The following SLC6A9 variants were observed in gnomAD, a reference collection of about 807,000 sequenced individuals.
SLC6A9 encodes sodium- and chloride-dependent glycine transporter 1.
Under a neutral mutation model 70.9 loss-of-function variants are expected in SLC6A9, and 31 were observed. The ratio of observed to expected loss-of-function variants is 0.44; its 90% CI spans 0.33 to 0.59. SLC6A9 has a LOEUF of 0.59. SLC6A9 is among the 20% of genes least tolerant of loss of function. The pLI, the probability that SLC6A9 is intolerant of heterozygous loss-of-function variation, is 0.04. For synonymous variants in SLC6A9, 310 were observed against 341.3 expected, an observed-to-expected ratio of 0.91 and a Z score of 1.01; for missense variants, 631 against 845.2, an observed-to-expected ratio of 0.75 and a Z score of 3.14.
chr1:44,022,345 G>C (rs2086898915), intron 2 of SLC6A9, among the ~76,000 whole-genome samples: 1 of 152,160 alleles, frequency 6.6e-6, no homozygotes, highest in South Asian at 2.1e-4. Flanking sequence ...AAGGGGCAGG[G>C]CCACACCCCG....
At chr1:43,999,690 T>C (rs1425326984) in intron 12 of SLC6A9, among the ~76,000 whole-genome samples, 2 of 151,930 alleles carry the variant, frequency 1.3e-5, no homozygotes, top group Non-Finnish European at 2.9e-5. Flanking sequence ...ACCTACCGGG[T>C]AGAGGCCTCA....
At chr1:44,022,026 C>T (rs2086892757) in intron 2 of SLC6A9, among the ~76,000 whole-genome samples, 1 of 152,246 alleles carries the variant, frequency 6.6e-6, no homozygotes, top group African/African-American at 2.4e-5. Context: ...CAACAGTGGG[C>T]AAAAGCCAAA....
rs1345995965 is a variant in SLC6A9, at chr1:44,002,638, G to A, written c.732C>T (p.Tyr244=). 6.2e-7 allele frequency: 1 copy of A among 1,614,134 alleles called. No homozygotes were observed. The highest frequency in any genetic ancestry group is 1.1e-5 in the South Asian group (1 of 91,086). ...RGVKSSGKVV[Y]FTATFPYVVL... ...CCACGTAGGGGAACGTGGCCGTGAA[G>A]TACACCACCTGGCACAAGAGGGCTC... The change falls in exon 7 of 14, where the codon TAC becomes TAT. Residue 244 remains tyrosine, a synonymous_variant. Transcript: ENST00000372310. The surrounding 1 kb of genome is among the most constrained non-coding windows in gnomAD (Gnocchi z 5.5).
chr1:44,023,791 G>A (rs2154307488), intron 2 of SLC6A9, among the ~76,000 whole-genome samples: 1 of 152,278 alleles, frequency 6.6e-6, no homozygotes. Flanking sequence ...TTGGGGAAAG[G>A]GTGGAGGGAC....
At chr1:43,998,427 G>A (rs544604749) in intron 12 of SLC6A9, among the ~76,000 whole-genome samples, 40 of 152,338 alleles carry the variant, frequency 2.6e-4, no homozygotes, top group African/African-American at 8.9e-4. Context: ...TCCGCCCTCA[G>A]TGTTTCAGTC....
chr1:44,005,889 A>C (rs1364098915), intron 5 of SLC6A9, among the ~76,000 whole-genome samples: 1 of 152,232 alleles, frequency 6.6e-6, no homozygotes, highest in African/African-American at 2.4e-5. Flanking sequence ...GTGGCCAGTT[A>C]GGCAGGCCTG....
rs2086635192 is a variant in SLC6A9 at position 44,013,322 on chromosome 1, T to C, written c.31-2440A>G. On this transcript the variant is annotated intron_variant, in intron 2 of 13. Coordinates refer to ENST00000372310, the MANE Select transcript of SLC6A9 (RefSeq NM_001024845.3). The surrounding 1 kb of genome is among the most constrained non-coding windows in gnomAD (Gnocchi z 5.3). ...ATTTGGATCCCTGAAGTCTGCTCCT[T>C]CCCTGGCAGGGGGAGGTACGGGGAA... is the stretch of plus-strand genomic sequence containing the variant. Among the ~76,000 whole-genome samples the C allele has an allele frequency of 6.6e-6, 1 of 152,160 alleles. No individual in the cohort carries two copies. Among genetic ancestry groups the C allele is most frequent in the African/African-American group, 2.4e-5 (1 of 41,436 alleles).
chr1:44,027,771 T>C (rs915450845), intron 1 of SLC6A9, among the ~76,000 whole-genome samples: 4 of 151,932 alleles, frequency 2.6e-5, no homozygotes, highest in African/African-American at 9.7e-5. Flanking sequence ...AGGTCAGGAG[T>C]TCGAGACCAG....
chr1:44,027,463 G>A (rs1183764233), intron 1 of SLC6A9, among the ~76,000 whole-genome samples: 1 of 152,126 alleles, frequency 6.6e-6, no homozygotes, highest in African/African-American at 2.4e-5. Context: ...CTAAATCCCT[G>A]ATTCTCTCCA....
chr1:43,999,462 C>A (rs1234486291), intron 12 of SLC6A9, among the ~76,000 whole-genome samples: 1 of 151,980 alleles, frequency 6.6e-6, no homozygotes, highest in African/African-American at 2.4e-5. Flanking sequence ...GCCCCCTGGT[C>A]TCTCCCCAGG....
intron 2 of SLC6A9, among the ~76,000 whole-genome samples, chr1:44,023,072 G>T (rs2086916532): frequency 6.6e-6 from 1 of 152,096 alleles, no homozygotes; most frequent in African/African-American, 2.4e-5. Context: ...GGGCTCGTTT[G>T]GGGAGGGCTC....
At chr1:44,015,256 C>T (rs892100778) in intron 2 of SLC6A9, among the ~76,000 whole-genome samples, 1 of 152,214 alleles carries the variant, frequency 6.6e-6, no homozygotes, top group African/African-American at 2.4e-5. Flanking sequence ...ACTCAGGGAG[C>T]CCAGCTCTCC....
chr1:44,019,493 G>A (rs1006739370), intron 2 of SLC6A9, among the ~76,000 whole-genome samples: 1 of 152,368 alleles, frequency 6.6e-6, no homozygotes, highest in African/African-American at 2.4e-5. Flanking sequence ...GGGCCAAGGC[G>A]CTGGCTGGGC....
In SLC6A9 at chr1:44,002,620, G is replaced by A. The variant is rs200038641; in HGVS notation, c.750C>T (p.Pro250=). The A allele has an allele frequency of 1.9e-6, 3 of 1,614,110 alleles. No homozygotes were observed. The highest frequency in any genetic ancestry group is 1.3e-5 in the African/African-American group (1 of 75,040). The stretch of plus-strand genomic sequence containing the variant: ...CAAACAGAATGGTCAGCACCACGTA[G>A]GGGAACGTGGCCGTGAAGTACACCA... The part of the protein sequence containing the change: ...GKVVYFTATF[P]YVVLTILFVR... Residue 250 remains proline (P), a synonymous_variant, in exon 7 of 14, where the codon CCC becomes CCT. Transcript: ENST00000372310. This position sits in a 1 kb window ranked among gnomAD's most constrained non-coding sequence, Gnocchi z 5.5.
At chr1:44,028,894 G>GT (rs1424399844) in intron 1 of SLC6A9, among the ~76,000 whole-genome samples, 1 of 152,188 alleles carries the variant, frequency 6.6e-6, no homozygotes, top group Admixed American at 6.5e-5. Flanking sequence ...GTGAGGAGAG[G>GT]TGCACAGATT....
rs2085925910 is a variant in SLC6A9 at position 43,997,797 on chromosome 1, C to T, written c.1707+58G>A. The stretch of plus-strand genomic sequence containing the variant: ...GGCACGTCAGGAGGGAGCCCTTAAG[C>T]CCCTTCCAGCTGGCCCCTCCCATTT... On this transcript the variant is annotated intron_variant, in intron 13 of 13. Coordinates refer to ENST00000372310, the MANE Select transcript of SLC6A9 (RefSeq NM_001024845.3). This position sits in a 1 kb window ranked among gnomAD's most constrained non-coding sequence, Gnocchi z 4.4. 3.8e-6 allele frequency: 6 copies of T among 1,588,848 alleles called. No individual in the cohort carries two copies. The South Asian group carries it at 6.8e-5, about 18-fold the overall frequency.
At chr1:44,017,167 G>A (rs767585907) in intron 2 of SLC6A9, 21 of 1,600,302 alleles carry the variant, frequency 1.3e-5, no homozygotes, top group East Asian at 4.6e-5. Flanking sequence ...CGACACTGAC[G>A]CATCCCCTGC....
At position 43,997,530 on chromosome 1, in the gene SLC6A9, C is replaced by G. The variant is rs1411091273; in HGVS notation, c.*15G>C. On this transcript the variant is annotated 3_prime_UTR_variant, in exon 14 of 14. Coordinates refer to ENST00000372310, the MANE Select transcript of SLC6A9 (RefSeq NM_001024845.3). This position sits in a 1 kb window ranked among gnomAD's most constrained non-coding sequence, Gnocchi z 4.4. ...GCACGGGGTGGGGGTGGGGCCACTC[C>G]CCTGGCAGCTGTGCTCATATCCGGG... 6.2e-7 allele frequency: 1 copy of G among 1,610,686 alleles called. No homozygotes were observed. Among genetic ancestry groups the G allele is most frequent in the Admixed American group, 1.7e-5 (1 of 59,822 alleles).
intron 5 of SLC6A9, among the ~76,000 whole-genome samples, chr1:44,007,483 G>T (rs536347066): frequency 6.6e-6 from 1 of 152,370 alleles, no homozygotes; most frequent in East Asian, 1.9e-4. Context: ...CAGCAGGATG[G>T]CCTGAGACTC....
Sources: gnomAD v4.1 joint callset for allele counts (sites outside exome capture counted in the v4.1 genomes callset) on GRCh38, gnomAD v4.1.1 for gene constraint, Gnocchi (gnomAD v3.1) non-coding constraint, MANE v1.5 for transcripts, NCBI Gene and HGNC (gene_info 2026-07-23, HGNC 2026-07-21) for gene names.